PHGDH: variants seen among roughly 807,000 people sequenced by gnomAD.
The protein encoded by PHGDH is phosphoglycerate dehydrogenase.
A neutral mutation model predicts 52.6 loss-of-function variants in PHGDH; 50 were observed. That is an observed-to-expected ratio of 0.95 (90% CI 0.76 to 1.20). The LOEUF (loss-of-function observed/expected upper bound fraction) is 1.20, where lower values mean the gene tolerates loss of function less well. Ranked by LOEUF, PHGDH falls within the 50% of genes most tolerant of loss-of-function variation. PHGDH has a pLI of 0.00. For missense variants in PHGDH, 630 were observed against 684.6 expected, an observed-to-expected ratio of 0.92 and a Z score of 0.89; for synonymous variants, 271 against 280.5, an observed-to-expected ratio of 0.97 and a Z score of 0.34.
In PHGDH at chr1:119,742,774, A is replaced by T. The variant is rs1317379706; in HGVS notation, c.1210-33A>T. On this transcript the variant is annotated intron_variant, in intron 10 of 11. Coordinates refer to ENST00000641023, the MANE Select transcript of PHGDH (RefSeq NM_006623.4). Reference sequence around the variant, plus strand: ...GGAGGGTGGACGTGGTGCAGCCAGGAGGTGTAACAGTCACCTTGCCTTCTC... The same window carrying T: ...GGAGGGTGGACGTGGTGCAGCCAGGTGGTGTAACAGTCACCTTGCCTTCTC... 2.3e-6 allele frequency: 3 copies of T among 1,316,662 alleles called. No homozygotes were observed. The Admixed American group carries it at 5.6e-5, about 24-fold the overall frequency. 81.6% of individuals were successfully genotyped at this position (1,316,662 alleles called of 1,614,324 possible). A position where few individuals can be genotyped will look rare whatever the true frequency, so the allele number is the denominator to read the frequency against.
At chr1:119,742,118 A>T in intron 10 of PHGDH, 1 of 584,470 alleles carries the variant, frequency 1.7e-6, no homozygotes, top group Non-Finnish European at 3.1e-6. Flanking sequence ...TGCTGTGGGA[A>T]TGGAGGCAGT....
In PHGDH at chr1:119,726,914, C is replaced by T. The variant is rs187075075; in HGVS notation, c.411+9C>T. The stretch of plus-strand genomic sequence containing the variant: ...AATGGGAGCGGAAGAAGGTGAGCAG[C>T]GGCCTTGACTCGCCCCACCTGGGCT... On this transcript the variant is annotated intron_variant, in intron 4 of 11. Transcript: ENST00000641023. The T allele has an allele frequency of 1.4e-4, 219 of 1,613,574 alleles. No individual in the cohort carries two copies. The highest frequency in any genetic ancestry group is 6.2e-4 in the Admixed American group (37 of 60,032).
At chr1:119,714,775 G>A (rs1650852815) in intron 1 of PHGDH, among the ~76,000 whole-genome samples, 1 of 152,132 alleles carries the variant, frequency 6.6e-6, no homozygotes, top group Admixed American at 6.5e-5. Context: ...ATGGGGTGGA[G>A]GGCTGAGGCC....
intron 7 of PHGDH, among the ~76,000 whole-genome samples, chr1:119,735,795 T>C (rs929566166): frequency 6.6e-6 from 1 of 152,200 alleles, no homozygotes; most frequent in East Asian, 1.9e-4. Context: ...TAGTGTATAG[T>C]TGAGGGACCC....
At chr1:119,720,976 G>T in intron 1 of PHGDH, 194 bp from the exon 2 acceptor site, 1 of 640,936 alleles carries the variant, frequency 1.6e-6, no homozygotes, top group Non-Finnish European at 2.9e-6. Context: ...TCCACTCTAA[G>T]TAAAAATCAG....
intron 5 of PHGDH, chr1:119,727,536 G>A (rs1013876883): frequency 4.0e-6 from 1 of 249,162 alleles, no homozygotes; most frequent in Non-Finnish European, 7.9e-6. Context: ...GCTCATAAGA[G>A]TGAGGCAGTG....
intron 5 of PHGDH, chr1:119,727,393 C>T (rs1355132547): frequency 1.9e-5 from 9 of 469,634 alleles, no homozygotes; most frequent in Admixed American, 1.7e-4. Flanking sequence ...TTCCTGTCTT[C>T]TTAGTTTAAA....
intron 5 of PHGDH, 83 bp from the exon 6 acceptor site, chr1:119,734,551 T>C (rs1227516120): frequency 7.3e-7 from 1 of 1,360,774 alleles, no homozygotes; most frequent in Non-Finnish European, 1.1e-6. Context: ...TGGTAAATGC[T>C]CAAAAAATGT....
chr1:119,741,098 CTGAG>C (rs963036692), intron 9 of PHGDH, among the ~76,000 whole-genome samples: 3 of 152,196 alleles, frequency 2.0e-5, no homozygotes, highest in Non-Finnish European at 4.4e-5. Flanking sequence ...CCTCGGGCTG[CTGAG>C]TGGGCTGTGG....
rs1652340615 is a variant in PHGDH at position 119,744,172 on chromosome 1, C to G, written c.*132C>G. ...GACACTGCTTACACTGCACTCTGAC[C>G]CTGTAGTACAGCAATAACCGTCTAA... On this transcript the variant is annotated 3_prime_UTR_variant, in exon 12 of 12. Transcript: ENST00000641023. The G allele has an allele frequency of 1.2e-6, 1 of 812,212 alleles. No homozygotes were observed. The highest frequency in any genetic ancestry group is 2.1e-6 in the Non-Finnish European group (1 of 466,180). 50.3% of individuals were successfully genotyped at this position (812,212 alleles called of 1,614,324 possible).
At chr1:119,741,594 A>G (rs936902367) in intron 9 of PHGDH, among the ~76,000 whole-genome samples, 173 bp from the exon 10 acceptor site, 4 of 152,094 alleles carry the variant, frequency 2.6e-5, no homozygotes, top group Non-Finnish European at 4.4e-5. Flanking sequence ...GGCCCAGATT[A>G]TGCCTCTTCT....
chr1:119,723,655 C>T (rs1651273070), intron 3 of PHGDH, among the ~76,000 whole-genome samples: 1 of 151,990 alleles, frequency 6.6e-6, no homozygotes, highest in Non-Finnish European at 1.5e-5. Flanking sequence ...CAAAGGTGCA[C>T]TTCTCTTTAC....
rs188199017 is a variant in PHGDH, at chr1:119,723,652, G to T, written c.356+211G>T. Among the ~76,000 whole-genome samples the T allele has an allele frequency of 1.2e-4, 19 of 152,108 alleles. No individual in the cohort carries two copies. In the East Asian group the frequency reaches 3.8e-3, roughly 30 times the overall value. ...CACAGGTTCCCTAGTGCACAAAGGT[G>T]CACTTCTCTTTACTCATGTTCTATT... is the stretch of plus-strand genomic sequence containing the variant. On this transcript the variant is annotated intron_variant, in intron 3 of 11. Transcript: ENST00000641023.
chr1:119,736,163 C>G (rs141346742), intron 7 of PHGDH, among the ~76,000 whole-genome samples: 160 of 152,332 alleles, frequency 1.1e-3, no homozygotes, highest in African/African-American at 3.8e-3. Flanking sequence ...CCTCTCTGAG[C>G]CCCTGTAGCA....
chr1:119,737,058 C>T (rs1358578189), intron 7 of PHGDH, 56 bp from the exon 8 acceptor site: 1 of 1,592,178 alleles, frequency 6.3e-7, no homozygotes, highest in Non-Finnish European at 8.6e-7. Context: ...TGGGGTGGCC[C>T]AAGAGGGTGT....
chr1:119,729,693 G>A (rs1201810468), intron 5 of PHGDH: 1 of 152,178 alleles, frequency 6.6e-6, no homozygotes, highest in African/African-American at 2.4e-5. Context: ...CTTCCAAGAG[G>A]TGCATGGGTA....
intron 1 of PHGDH, 55 bp downstream of exon 1, chr1:119,712,215 C>G (rs1212352485): frequency 1.9e-6 from 3 of 1,550,786 alleles, no homozygotes; most frequent in Non-Finnish European, 2.7e-6. Context: ...TGGAAAAAGG[C>G]TGGCTGCGCC....
chr1:119,721,429 G>A, intron 2 of PHGDH, 108 bp downstream of exon 2: 3 of 1,116,238 alleles, frequency 2.7e-6, no homozygotes, highest in Non-Finnish European at 3.9e-6. Context: ...TCCATTGGAA[G>A]GGCTTCCAGG....
intron 10 of PHGDH, 69 bp from the exon 11 acceptor site, chr1:119,742,738 T>G (rs1270363317): frequency 1.3e-5 from 12 of 931,188 alleles, no homozygotes; most frequent in Non-Finnish European, 2.1e-5. Context: ...ATGGGTGATT[T>G]GGCCAAGAGA....
Sources: allele counts gnomAD v4.1 joint callset (sites outside exome capture counted in the v4.1 genomes callset), GRCh38; gene constraint gnomAD v4.1.1; transcripts MANE v1.5; gene names NCBI Gene and HGNC (gene_info 2026-07-23, HGNC 2026-07-21).